The following TMED8 variants were observed in gnomAD, a reference collection of about 807,000 sequenced individuals.
The protein encoded by TMED8 is transmembrane p24 trafficking protein family member 8.
A neutral mutation model predicts 32.7 loss-of-function variants in TMED8; 15 were observed. That is an observed-to-expected ratio of 0.46 (90% CI 0.31 to 0.71). TMED8 has a LOEUF of 0.71. Ranked by LOEUF, TMED8 falls within the 30% of genes least tolerant of loss-of-function variation. The pLI, the probability that TMED8 is intolerant of heterozygous loss-of-function variation, is 0.06. For missense variants in TMED8, 390 were observed against 423.9 expected (o/e 0.92, Z 0.70); for synonymous variants, 147 against 161.4 (o/e 0.91, Z 0.68).
Position 77,338,123 on chromosome 14 carries a change from G to T in TMED8, c.*3648C>A, listed in dbSNP as rs1168670782. 2.6e-5 allele frequency: 4 copies of T among 152,074 alleles called. No homozygotes were observed. Among genetic ancestry groups the T allele is most frequent in the African/African-American group, 9.7e-5 (4 of 41,400 alleles). The allele number at this position is 152,074 out of a possible 1,614,324, so 9.4% of individuals were successfully genotyped here. A position where few individuals can be genotyped will look rare whatever the true frequency, so the allele number is the denominator to read the frequency against. Reference sequence around the variant, plus strand: ...ACTGACCAGCATTAACATTAAAACAGAGATCTTAAGACTAACCAAACAGAC... The same window carrying T: ...ACTGACCAGCATTAACATTAAAACATAGATCTTAAGACTAACCAAACAGAC... On this transcript the variant is annotated 3_prime_UTR_variant, in exon 6 of 6. Coordinates refer to ENST00000216468, the MANE Select transcript of TMED8 (RefSeq NM_213601.3).
At chr14:77,375,447 C>G (rs1893791166) in intron 1 of TMED8, among the ~76,000 whole-genome samples, 2 of 152,146 alleles carry the variant, frequency 1.3e-5, no homozygotes, top group African/African-American at 4.8e-5. Flanking sequence ...CTGGCGCATG[C>G]AAGGGACAAG....
rs886118625 is a variant in TMED8, at chr14:77,377,072, G to C, written c.-19C>G. 3.8e-6 allele frequency: 5 copies of C among 1,329,112 alleles called. No individual in the cohort carries two copies. In the African/African-American group the frequency reaches 4.7e-5, roughly 12 times the overall value. The allele number at this position is 1,329,112 out of a possible 1,614,324, so 82.3% of individuals were successfully genotyped here. A position where few individuals can be genotyped will look rare whatever the true frequency, so the allele number is the denominator to read the frequency against. On this transcript the variant is annotated 5_prime_UTR_variant, in exon 1 of 6. Coordinates refer to ENST00000216468, the MANE Select transcript of TMED8 (RefSeq NM_213601.3). ...CAGACATCTGCAGCCCGCGCACGGA[G>C]CTCTCCGCTGCCAGCCGCGAGTGGC...
rs1275093024 is a variant in TMED8, at chr14:77,337,384, C to G, written c.*4387G>C. ...ATGTATTTTCTTGAAAGATGGAGAC[C>G]AAGAAACAATTTTTTTTTTTTTGAG... On this transcript the variant is annotated 3_prime_UTR_variant, in exon 6 of 6. Coordinates refer to ENST00000216468, the MANE Select transcript of TMED8 (RefSeq NM_213601.3). 6.6e-6 allele frequency: 1 copy of G among 151,838 alleles called. No individual in the cohort carries two copies. The highest frequency in any genetic ancestry group is 1.5e-5 in the Non-Finnish European group (1 of 68,046). 9.4% of individuals were successfully genotyped at this position (151,838 alleles called of 1,614,324 possible). A position where few individuals can be genotyped will look rare whatever the true frequency, so the allele number is the denominator to read the frequency against.
chr14:77,368,548 G>T (rs958111756), intron 1 of TMED8, among the ~76,000 whole-genome samples: 11 of 152,078 alleles, frequency 7.2e-5, no homozygotes, highest in Non-Finnish European at 1.2e-4. Flanking sequence ...CATGGTCTCG[G>T]CTCACTGCAA....
chr14:77,361,594 T>C (rs1893436782), intron 1 of TMED8, among the ~76,000 whole-genome samples: 1 of 152,250 alleles, frequency 6.6e-6, no homozygotes, highest in Admixed American at 6.5e-5. Context: ...TTTCTACTTC[T>C]GTGAAGAATG....
intron 1 of TMED8, among the ~76,000 whole-genome samples, chr14:77,369,095 C>T (rs1893621015): frequency 6.8e-6 from 1 of 146,400 alleles, no homozygotes; most frequent in African/African-American, 2.5e-5. Context: ...GTAAAGATTA[C>T]GTTTCTTTAC....
Position 77,371,675 on chromosome 14 carries a change from G to A in TMED8, c.118+5261C>T, listed in dbSNP as rs553485117. On this transcript the variant is annotated intron_variant, in intron 1 of 5. Coordinates refer to ENST00000216468, the MANE Select transcript of TMED8 (RefSeq NM_213601.3). Reference sequence around the variant, plus strand: ...AAGTATAAAGTGTGGGAGATGCAGCGCTGTTTCAGTGAGAGAGAATTATGA... The same window carrying A: ...AAGTATAAAGTGTGGGAGATGCAGCACTGTTTCAGTGAGAGAGAATTATGA... Among the ~76,000 whole-genome samples the A allele has an allele frequency of 3.3e-5, 5 of 152,270 alleles. No individual in the cohort carries two copies. In the South Asian group the frequency reaches 6.2e-4, roughly 19 times the overall value.
chr14:77,353,279 T>A (rs1325898142), intron 1 of TMED8, among the ~76,000 whole-genome samples: 1 of 152,178 alleles, frequency 6.6e-6, no homozygotes, highest in African/African-American at 2.4e-5. Context: ...GAAGTTTACT[T>A]CTCAATACAA....
chr14:77,347,483 T>C (rs1226194195), intron 2 of TMED8, among the ~76,000 whole-genome samples: 1 of 152,234 alleles, frequency 6.6e-6, no homozygotes, highest in Non-Finnish European at 1.5e-5. Context: ...GCACCAGTGA[T>C]GCATCTCACC....
At chr14:77,369,604 C>A (rs1246126231) in intron 1 of TMED8, among the ~76,000 whole-genome samples, 1 of 152,218 alleles carries the variant, frequency 6.6e-6, no homozygotes, top group Non-Finnish European at 1.5e-5. Context: ...ACTCAGGAAT[C>A]CAGCATGTAC....
At chr14:77,356,122 T>G (rs1432767476) in intron 1 of TMED8, among the ~76,000 whole-genome samples, 1 of 152,240 alleles carries the variant, frequency 6.6e-6, no homozygotes, top group Admixed American at 6.5e-5. Context: ...CTGGAGTCTG[T>G]AAGAGGCCTT....
chr14:77,353,498 A>G (rs1232526796), intron 1 of TMED8, among the ~76,000 whole-genome samples: 1 of 143,792 alleles, frequency 7.0e-6, no homozygotes, highest in Admixed American at 7.3e-5. Context: ...GCTGGAGTGC[A>G]GTGACACAAT....
intron 1 of TMED8, among the ~76,000 whole-genome samples, chr14:77,358,139 A>AG (rs1467211162): frequency 6.6e-6 from 1 of 151,028 alleles, no homozygotes; most frequent in Non-Finnish European, 1.5e-5. Context: ...AAAAAAAAAA[A>AG]AAAAAGAAAT....
rs534974903 is a variant in TMED8 at position 77,372,758 on chromosome 14, AAATGTTAACATTTTGACATAAAACCAC to A, written c.118+4151_118+4177del. On this transcript the variant is annotated intron_variant, in intron 1 of 5. Coordinates refer to ENST00000216468, the MANE Select transcript of TMED8 (RefSeq NM_213601.3). Reference sequence around the variant, plus strand: ...AGAAAAAGAAAGCCACAGGCAGACAAAATGTTAACATTTTGACATAAAACCACAATAGAAAACTAAAAAACATCAAGG... The same window carrying A: ...AGAAAAAGAAAGCCACAGGCAGACAAAATAGAAAACTAAAAAACATCAAGG... 3.3e-3 allele frequency among the ~76,000 whole-genome samples: 500 copies of A among 151,628 alleles called. 1 individual carries two copies. The highest frequency in any genetic ancestry group is 0.027 in the Middle Eastern group (8 of 294).
At chr14:77,354,544 G>A (rs1324857144) in intron 1 of TMED8, among the ~76,000 whole-genome samples, 1 of 152,010 alleles carries the variant, frequency 6.6e-6, no homozygotes, top group Non-Finnish European at 1.5e-5. Flanking sequence ...TTAATATACA[G>A]ATAATCCATT....
chr14:77,361,321 G>A (rs1033152314), intron 1 of TMED8, among the ~76,000 whole-genome samples: 1 of 152,134 alleles, frequency 6.6e-6, no homozygotes, highest in Non-Finnish European at 1.5e-5. Flanking sequence ...AGTTTTCCCA[G>A]AACCATTTAT....
chr14:77,354,907 T>C (rs1893257114), intron 1 of TMED8, among the ~76,000 whole-genome samples: 1 of 151,680 alleles, frequency 6.6e-6, no homozygotes, highest in Admixed American at 6.6e-5. Context: ...TGAGGTAAGA[T>C]TGCACCACTG....
chr14:77,364,889 C>G (rs1232135762), intron 1 of TMED8, among the ~76,000 whole-genome samples: 2 of 152,118 alleles, frequency 1.3e-5, no homozygotes, highest in Admixed American at 1.3e-4. Context: ...TATAATCATT[C>G]CTTATAACTG....
chr14:77,354,920 C>T (rs1893257283), intron 1 of TMED8, among the ~76,000 whole-genome samples: 1 of 151,524 alleles, frequency 6.6e-6, no homozygotes, highest in African/African-American at 2.4e-5. Context: ...CACCACTGTA[C>T]TCCAGCCTGG....
Sources: gnomAD v4.1 joint callset for allele counts (sites outside exome capture counted in the v4.1 genomes callset) on GRCh38, gnomAD v4.1.1 for gene constraint, MANE v1.5 for transcripts, NCBI Gene and HGNC (gene_info 2026-07-23, HGNC 2026-07-21) for gene names.